The following PLXDC2 variants were observed in gnomAD, a reference collection of about 807,000 sequenced individuals.
PLXDC2 encodes plexin domain containing 2.
A neutral mutation model predicts 68.9 loss-of-function variants in PLXDC2; 40 were observed. That is an observed-to-expected ratio of 0.58 (90% CI 0.45 to 0.76). PLXDC2 has a LOEUF of 0.76. Among genes scored for constraint, PLXDC2 ranks in the 30% least tolerant of loss-of-function variants. The pLI is 0.00. For missense variants in PLXDC2, 644 were observed against 661.9 expected, an observed-to-expected ratio of 0.97 and a Z score of 0.30; for synonymous variants, 243 against 234.2, an observed-to-expected ratio of 1.04 and a Z score of -0.34.
intron 2 of PLXDC2, among the ~76,000 whole-genome samples, chr10:20,018,339 A>T (rs970372007): frequency 6.6e-6 from 1 of 152,106 alleles, no homozygotes; most frequent in Non-Finnish European, 1.5e-5. Flanking sequence ...TGATTCTTGG[A>T]TATATATTCC....
chr10:20,052,485 T>C (rs928310778), intron 3 of PLXDC2, among the ~76,000 whole-genome samples: 3 of 151,946 alleles, frequency 2.0e-5, no homozygotes, highest in African/African-American at 7.2e-5. Context: ...AACACACACA[T>C]ACTTCATATT....
intron 13 of PLXDC2, among the ~76,000 whole-genome samples, chr10:20,255,077 A>T (rs1235908172): frequency 6.6e-6 from 1 of 152,170 alleles, no homozygotes; most frequent in Non-Finnish European, 1.5e-5. Context: ...AAAATATCTT[A>T]TACTAATTTG....
At chr10:20,070,028 A>G (rs1034235072) in intron 4 of PLXDC2, among the ~76,000 whole-genome samples, 4 of 152,182 alleles carry the variant, frequency 2.6e-5, no homozygotes, top group African/African-American at 9.7e-5. Flanking sequence ...GATCACAGAG[A>G]GGAAGATCCT....
intron 7 of PLXDC2, among the ~76,000 whole-genome samples, chr10:20,176,390 A>ATGTGTG (rs66825907): frequency 0.22 from 33,081 of 148,810 alleles, 3,958 homozygotes; most frequent in East Asian, 0.46. Context: ...TCGCACAGTT[A>ATGTGTG]TGTGTGTGTG....
At chr10:20,063,016 A>C (rs1836132609) in intron 3 of PLXDC2, among the ~76,000 whole-genome samples, 1 of 152,164 alleles carries the variant, frequency 6.6e-6, no homozygotes, top group African/African-American at 2.4e-5. Flanking sequence ...TTGAAAAAAA[A>C]TCATAAATAC....
intron 13 of PLXDC2, among the ~76,000 whole-genome samples, chr10:20,278,879 G>A (rs1305416958): frequency 1.3e-5 from 2 of 152,130 alleles, no homozygotes; most frequent in Non-Finnish European, 2.9e-5. Flanking sequence ...GTGTCACTAT[G>A]GCTGTGAAAT....
At chr10:20,002,065 G>C in intron 2 of PLXDC2, 79 bp downstream of exon 2, 10 of 1,376,386 alleles carry the variant, frequency 7.3e-6, no homozygotes, top group Non-Finnish European at 9.9e-6. Flanking sequence ...ATAGACATAA[G>C]TTGTCTCTTC....
chr10:19,855,467 ACTT>A (rs1325073108), intron 1 of PLXDC2, among the ~76,000 whole-genome samples: 1 of 152,048 alleles, frequency 6.6e-6, no homozygotes, highest in Non-Finnish European at 1.5e-5. Flanking sequence ...CTAAACCTTC[ACTT>A]CTTCTTTTGT....
intron 1 of PLXDC2, among the ~76,000 whole-genome samples, chr10:19,893,772 T>G (rs1410974899): frequency 6.6e-6 from 1 of 152,250 alleles, no homozygotes; most frequent in Admixed American, 6.5e-5. Context: ...TTTTACTTTC[T>G]CATCAGCATG....
At position 19,861,501 on chromosome 10, in the gene PLXDC2, A is replaced by G. The variant is rs866627482; in HGVS notation, c.112+44310A>G. ...CCCTAGCCACCATGAGATTGTCTGAACCCTTTAATTAGCACAACATTCCAG... is the reference window on the plus strand; with the variant it reads ...CCCTAGCCACCATGAGATTGTCTGAGCCCTTTAATTAGCACAACATTCCAG... On this transcript the variant is annotated intron_variant, in intron 1 of 13. Coordinates refer to ENST00000377252, the MANE Select transcript of PLXDC2 (RefSeq NM_032812.9). 5.3e-5 allele frequency among the ~76,000 whole-genome samples: 8 copies of G among 152,172 alleles called. No individual in the cohort carries two copies. The South Asian group carries it at 1.7e-3, about 32-fold the overall frequency.
At chr10:19,944,916 C>T (rs1833876478) in intron 1 of PLXDC2, among the ~76,000 whole-genome samples, 1 of 152,172 alleles carries the variant, frequency 6.6e-6, no homozygotes, top group Admixed American at 6.5e-5. Flanking sequence ...TGCGCCACTG[C>T]ACTCCAGCCG....
chr10:19,823,779 G>A (rs1436274574), intron 1 of PLXDC2, among the ~76,000 whole-genome samples: 1 of 152,088 alleles, frequency 6.6e-6, no homozygotes, highest in African/African-American at 2.4e-5. Flanking sequence ...TTGAGTCCAC[G>A]ATTTGGAGAC....
chr10:20,099,569 G>A (rs1833395957), intron 4 of PLXDC2, among the ~76,000 whole-genome samples: 1 of 152,142 alleles, frequency 6.6e-6, no homozygotes, highest in Non-Finnish European at 1.5e-5. Context: ...ATTGTGTGGG[G>A]TTTCTTTGCT....
intron 2 of PLXDC2, among the ~76,000 whole-genome samples, chr10:20,012,183 A>G (rs778231178): frequency 2.6e-5 from 4 of 151,432 alleles, no homozygotes; most frequent in South Asian, 4.2e-4. Context: ...TTGTGTTTCT[A>G]TTTTTAAGCA....
intron 1 of PLXDC2, among the ~76,000 whole-genome samples, chr10:20,000,652 A>C (rs926166101): frequency 2.4e-4 from 36 of 152,134 alleles, no homozygotes; most frequent in Admixed American, 1.6e-3. Context: ...AGTTTAGGTA[A>C]TTATGCCTGT....
At chr10:20,137,611 C>G (rs1313683682) in intron 4 of PLXDC2, among the ~76,000 whole-genome samples, 4 of 152,228 alleles carry the variant, frequency 2.6e-5, no homozygotes, top group Non-Finnish European at 2.9e-5. Flanking sequence ...TTCGCACAGA[C>G]AGAACAGGTC....
At chr10:20,068,001 C>G (rs1477467632) in intron 3 of PLXDC2, among the ~76,000 whole-genome samples, 169 bp from the exon 4 acceptor site, 2 of 152,082 alleles carry the variant, frequency 1.3e-5, no homozygotes, top group African/African-American at 4.8e-5. Flanking sequence ...ACTTTAATTA[C>G]CAGAAAAAAT....
At chr10:20,138,623 T>C (rs1477040474) in intron 4 of PLXDC2, among the ~76,000 whole-genome samples, 4 of 152,024 alleles carry the variant, frequency 2.6e-5, no homozygotes, top group Non-Finnish European at 5.9e-5. Context: ...ACAAAGAAAA[T>C]ACATGAAGGT....
intron 2 of PLXDC2, among the ~76,000 whole-genome samples, chr10:20,023,335 T>C (rs1835345709): frequency 6.6e-6 from 1 of 152,090 alleles, no homozygotes; most frequent in Non-Finnish European, 1.5e-5. Context: ...AAAACATTTC[T>C]CGATGTCATA....
Sources: gnomAD v4.1 joint callset for allele counts (sites outside exome capture counted in the v4.1 genomes callset) on GRCh38, gnomAD v4.1.1 for gene constraint, MANE v1.5 for transcripts, NCBI Gene and HGNC (gene_info 2026-07-23, HGNC 2026-07-21) for gene names.